The following LETM1 variants were observed in gnomAD, a reference collection of about 807,000 sequenced individuals.
The protein encoded by LETM1 is mitochondrial proton/calcium exchanger protein.
LETM1 carries 50 observed loss-of-function variants against 74.5 expected under a neutral mutation model. The ratio of observed to expected loss-of-function variants is 0.67; its 90% CI spans 0.53 to 0.85. The LOEUF is 0.85. LETM1 is among the 40% of genes least tolerant of loss of function. LETM1 has a pLI of 0.00. For synonymous variants in LETM1, 446 were observed against 407.1 expected, an observed-to-expected ratio of 1.10 and a Z score of -1.15; for missense variants, 824 against 967.8, an observed-to-expected ratio of 0.85 and a Z score of 1.97.
intron 10 of LETM1, among the ~76,000 whole-genome samples, chr4:1,819,675 G>A (rs944343327): frequency 2.6e-5 from 4 of 152,124 alleles, no homozygotes; most frequent in African/African-American, 9.7e-5. Flanking sequence ...GCCCTCATAT[G>A]CCAAACCCCA....
chr4:1,833,996 T>C (rs996227911), intron 5 of LETM1: 1 of 152,300 alleles, frequency 6.6e-6, no homozygotes, highest in African/African-American at 2.4e-5. Flanking sequence ...TAAAACATCT[T>C]GCTGGAACCA....
At position 1,815,658 on chromosome 4, in the gene LETM1, G is replaced by C. The variant is rs756549478; in HGVS notation, c.2070+6C>G. On this transcript the variant is annotated splice_donor_region_variant and intron_variant, in intron 13 of 13. Coordinates refer to ENST00000302787, the MANE Select transcript of LETM1 (RefSeq NM_012318.3). ...GATGGCCTGCGTGGTCCCCAGCGAG[G>C]CCCACCTTGACGAGGTCGTCGATGT... 6.2e-7 allele frequency: 1 copy of C among 1,613,998 alleles called. No individual in the cohort carries two copies. The highest frequency in any genetic ancestry group is 8.5e-7 in the Non-Finnish European group (1 of 1,179,940).
intron 7 of LETM1, among the ~76,000 whole-genome samples, chr4:1,824,729 CA>C (rs994853522): frequency 3.3e-5 from 5 of 152,242 alleles, no homozygotes; most frequent in African/African-American, 1.2e-4. Context: ...CCCCCCTGCT[CA>C]GACACCCCTG....
At chr4:1,825,786 C>A (rs1711967029) in intron 6 of LETM1, 103 bp from the exon 7 acceptor site, 1 of 1,378,740 alleles carries the variant, frequency 7.3e-7, no homozygotes, top group South Asian at 1.4e-5. Flanking sequence ...TTTTGCCAAG[C>A]AAGAATCAAA....
intron 2 of LETM1, among the ~76,000 whole-genome samples, chr4:1,847,909 C>T (rs1712938097): frequency 6.7e-6 from 1 of 148,402 alleles, no homozygotes; most frequent in South Asian, 2.2e-4. Context: ...AGGCAGATAA[C>T]TGCTTGAACC....
intron 4 of LETM1, among the ~76,000 whole-genome samples, chr4:1,835,570 A>G: frequency 6.6e-6 from 1 of 152,342 alleles, no homozygotes; most frequent in East Asian, 1.9e-4. Context: ...TCTGGCCTTC[A>G]TGGCTGTGTG....
Position 1,834,346 on chromosome 4 carries a change from G to T in LETM1, c.876+499C>A. On this transcript the variant is annotated intron_variant, in intron 5 of 13. Transcript: ENST00000302787. This position sits in a 1 kb window ranked among gnomAD's most constrained non-coding sequence, Gnocchi z 5.0. ...TCAGGGATCTCGGTCCGTGGCAGCT[G>T]CCGTCTCCCCATCCTCACCTCACTC... 2.0e-6 allele frequency: 2 copies of T among 976,498 alleles called. No individual in the cohort carries two copies. Among genetic ancestry groups the T allele is most frequent in the Non-Finnish European group, 2.4e-6 (2 of 821,506 alleles). 60.5% of individuals were successfully genotyped at this position (976,498 alleles called of 1,614,324 possible). A position where few individuals can be genotyped will look rare whatever the true frequency, so the allele number is the denominator to read the frequency against.
In LETM1 at chr4:1,841,693, A is replaced by C; in HGVS notation, c.248T>G (p.Val83Gly). ...GGTAGAGGTCCATGGCGCTCTCGAC[A>C]CTATGCGAAGGCACTCGGGCCTCAG... ...WALRPECLRI[V>G]SRAPWTSTSV... Residue 83 changes from valine (V) to glycine (G), a missense_variant, in exon 3 of 14, where the codon GTG becomes GGG. By Grantham distance (109) the Val-to-Gly change is moderately radical. Around this residue, in one of 4 missense-constraint regions of LETM1, gnomAD observed 222 missense variants for 195.6 expected, o/e 1.14. Transcript: ENST00000302787. 1 of 1,614,178 alleles carries C rather than the reference A, an allele frequency of 6.2e-7. No individual in the cohort carries two copies.
At chr4:1,830,731 C>G (rs1453978489) in intron 6 of LETM1, among the ~76,000 whole-genome samples, 2 of 152,128 alleles carry the variant, frequency 1.3e-5, no homozygotes, top group African/African-American at 4.8e-5. Context: ...TCTGTTGTGG[C>G]TTTTGGAGCT....
chr4:1,823,810 C>G (rs749731876), intron 7 of LETM1, 35 bp from the exon 8 acceptor site: 1 of 1,582,174 alleles, frequency 6.3e-7, no homozygotes, highest in Admixed American at 1.7e-5. Context: ...GATGGGCAGC[C>G]CCCCAACCCT....
At chr4:1,826,449 A>T (rs1307558777) in intron 6 of LETM1, among the ~76,000 whole-genome samples, 1 of 152,264 alleles carries the variant, frequency 6.6e-6, no homozygotes, top group Admixed American at 6.5e-5. Context: ...TCTCACCAGC[A>T]GCACTGCAAT....
chr4:1,843,607 A>C (rs1165927632), intron 2 of LETM1, among the ~76,000 whole-genome samples: 2 of 152,194 alleles, frequency 1.3e-5, no homozygotes, highest in African/African-American at 2.4e-5. Context: ...GGTTCTCAAG[A>C]ATACGGGAAA....
At position 1,841,516 on chromosome 4, in the gene LETM1, C is replaced by G. The variant is rs1325792710; in HGVS notation, c.425G>C (p.Ser142Thr). ...CTTCACCACCACCTCTGCGGGGGGG[C>G]TGTACACCGGGCCGCCTTCCTCCAG... ...KKLEEGGPVYSPPAEVVVKKS... is the reference protein window; with the variant it reads ...KKLEEGGPVYTPPAEVVVKKS... Residue 142 changes from serine to threonine, a missense_variant, in exon 3 of 14, where the codon AGC (serine) becomes ACC (threonine). Transcript: ENST00000302787. 1.2e-6 allele frequency: 2 copies of G among 1,614,120 alleles called. No homozygotes were observed. The highest frequency in any genetic ancestry group is 2.2e-5 in the East Asian group (1 of 44,902).
chr4:1,827,000 C>T (rs757532401), intron 6 of LETM1, among the ~76,000 whole-genome samples: 17 of 152,234 alleles, frequency 1.1e-4, no homozygotes, highest in Non-Finnish European at 1.6e-4. Context: ...CCTCCACCCA[C>T]ACCGTGGAGC....
chr4:1,827,859 G>C (rs1391125810), intron 6 of LETM1, among the ~76,000 whole-genome samples: 2 of 148,818 alleles, frequency 1.3e-5, no homozygotes, highest in South Asian at 2.1e-4. Flanking sequence ...TTCCCAGTAG[G>C]GGCGGCCGGG....
Position 1,836,599 on chromosome 4 carries a change from G to A in LETM1, c.595-27C>T. On this transcript the variant is annotated intron_variant, in intron 3 of 13. Transcript: ENST00000302787. The surrounding 1 kb of genome is among the most constrained non-coding windows in gnomAD (Gnocchi z 5.8). The stretch of plus-strand genomic sequence containing the variant: ...TGGAAGGGGCGGAATCCATCAGAGG[G>A]GAGCAGAGCACATGTGGGAACAAGG... 2.5e-6 allele frequency: 4 copies of A among 1,612,328 alleles called. No individual in the cohort carries two copies. In the East Asian group the frequency reaches 6.7e-5, roughly 27 times the overall value.
chr4:1,820,470 A>G (rs1427799319), intron 10 of LETM1, among the ~76,000 whole-genome samples: 2 of 152,152 alleles, frequency 1.3e-5, no homozygotes, highest in Non-Finnish European at 2.9e-5. Context: ...TCTGTATTCA[A>G]CTGCCCTGAC....
chr4:1,824,239 T>C (rs1172404582), intron 7 of LETM1, among the ~76,000 whole-genome samples: 3 of 152,152 alleles, frequency 2.0e-5, no homozygotes, highest in Non-Finnish European at 4.4e-5. Flanking sequence ...AAGAATTGCT[T>C]GAACCAGGGA....
At chr4:1,853,119 T>G (rs1713120773) in intron 1 of LETM1, among the ~76,000 whole-genome samples, 1 of 151,898 alleles carries the variant, frequency 6.6e-6, no homozygotes, top group Non-Finnish European at 1.5e-5. Flanking sequence ...CCCTCCTCAT[T>G]CTGCTCCTCC....
Sources: gnomAD v4.1 joint callset for allele counts (sites outside exome capture counted in the v4.1 genomes callset) on GRCh38, gnomAD v4.1.1 for gene constraint, gnomAD v4.1.1 regional missense constraint, Gnocchi (gnomAD v3.1) non-coding constraint, MANE v1.5 for transcripts, NCBI Gene and HGNC (gene_info 2026-07-23, HGNC 2026-07-21) for gene names.